The following CDIN1 variants were observed in gnomAD, a reference collection of about 807,000 sequenced individuals.
CDIN1 encodes the protein CDAN1-interacting nuclease 1.
CDIN1 carries 33 observed loss-of-function variants against 45.3 expected under a neutral mutation model. That is an observed-to-expected ratio of 0.73 (90% confidence interval 0.55 to 0.97). The LOEUF is 0.97. Ranked by LOEUF, CDIN1 falls within the 50% of genes least tolerant of loss-of-function variation. The pLI, the probability that CDIN1 is intolerant of heterozygous loss-of-function variation, is 0.00. For synonymous variants in CDIN1, 118 were observed against 124.4 expected (o/e 0.95, Z 0.34); for missense variants, 303 against 339.4 (o/e 0.89, Z 0.84).
At chr15:36,613,524 A>G in intron 1 of CDIN1, 5 of 1,536,348 alleles carry the variant, frequency 3.3e-6, no homozygotes, top group African/African-American at 1.4e-5. Context: ...CAGGTTGTGC[A>G]GCAGCAGGCA....
chr15:36,746,750 G>GTTT (rs1391686144), intron 10 of CDIN1, among the ~76,000 whole-genome samples: 2 of 112,482 alleles, frequency 1.8e-5, no homozygotes, highest in African/African-American at 7.6e-5. Context: ...TTGGAAACGT[G>GTTT]TCTTTTTTTT....
intron 8 of CDIN1, 174 bp from the exon 9 acceptor site, chr15:36,709,049 C>T (rs760300904): frequency 1.5e-4 from 63 of 433,102 alleles, no homozygotes; most frequent in African/African-American, 6.1e-5. Flanking sequence ...AGCATATTTA[C>T]GCTTCAGTGT....
Position 36,809,809 on chromosome 15 carries a change from A to C in CDIN1, c.*1356A>C, listed in dbSNP as rs1305820710. The C allele has an allele frequency of 2.0e-5, 3 of 152,184 alleles. No individual in the cohort carries two copies. Among genetic ancestry groups the C allele is most frequent in the Non-Finnish European group, 4.4e-5 (3 of 68,032 alleles). The allele number at this position is 152,184 out of a possible 1,614,324, so 9.4% of individuals were successfully genotyped here. A position where few individuals can be genotyped will look rare whatever the true frequency, so the allele number is the denominator to read the frequency against. On this transcript the variant is annotated 3_prime_UTR_variant, in exon 11 of 11. Transcript: ENST00000566621. ...TTTATACTTTGTTTATTTTCTACCA[A>C]AGAAGGTTTGTAAAAATATGCCTGC...
Position 36,644,257 on chromosome 15 carries a change from TC to T in CDIN1, c.102-19del. The T allele has an allele frequency of 6.2e-7, 1 of 1,612,868 alleles. No homozygotes were observed. The highest frequency in any genetic ancestry group is 2.2e-5 in the East Asian group (1 of 44,872). ...CCGTGCACTCCAGTAATTAACTTTG[TC>T]CTTCTTTTATTTGTTCCAGTCAATC... On this transcript the variant is annotated intron_variant, in intron 1 of 10. Coordinates refer to ENST00000566621, the MANE Select transcript of CDIN1 (RefSeq NM_001321759.2).
At chr15:36,799,684 TATTG>T (rs1433019530) in intron 10 of CDIN1, 2 of 152,230 alleles carry the variant, frequency 1.3e-5, no homozygotes. Context: ...TGTGAAGAGA[TATTG>T]ATTACTATGT....
chr15:36,807,875 T>C (rs1307658403), intron 10 of CDIN1, among the ~76,000 whole-genome samples: 1 of 152,238 alleles, frequency 6.6e-6, no homozygotes, highest in East Asian at 1.9e-4. Flanking sequence ...TTTTTTTAAA[T>C]TCTGTTTTCA....
At chr15:36,654,839 C>CA (rs1416255122) in intron 4 of CDIN1, among the ~76,000 whole-genome samples, 1 of 151,862 alleles carries the variant, frequency 6.6e-6, no homozygotes, top group Admixed American at 6.6e-5. Context: ...GAGAGCATAC[C>CA]AAAAAAATAA....
rs528651138 is a variant in CDIN1, at chr15:36,747,475, T to C, written c.716+37514T>C. The stretch of plus-strand genomic sequence containing the variant: ...CTTTCATTCATAAAGGTAAGTGTCT[T>C]TATTTCCTTGAAAAGCTTTATGAGT... On this transcript the variant is annotated intron_variant, in intron 10 of 10. Coordinates refer to ENST00000566621, the MANE Select transcript of CDIN1 (RefSeq NM_001321759.2). 3.3e-5 allele frequency among the ~76,000 whole-genome samples: 5 copies of C among 152,326 alleles called. No homozygotes were observed. In the East Asian group the frequency reaches 7.7e-4, roughly 24 times the overall value.
chr15:36,768,569 G>A (rs1374684524), intron 10 of CDIN1, among the ~76,000 whole-genome samples: 5 of 152,204 alleles, frequency 3.3e-5, no homozygotes, highest in African/African-American at 1.2e-4. Flanking sequence ...TTTCATTTGG[G>A]AAGCCAAATC....
At chr15:36,684,514 A>C (rs2041969790) in intron 5 of CDIN1, among the ~76,000 whole-genome samples, 1 of 152,202 alleles carries the variant, frequency 6.6e-6, no homozygotes, top group African/African-American at 2.4e-5. Flanking sequence ...AGTGTTCATC[A>C]AGGATATTGA....
At chr15:36,732,970 A>G (rs903479329) in intron 10 of CDIN1, among the ~76,000 whole-genome samples, 15 of 152,070 alleles carry the variant, frequency 9.9e-5, no homozygotes, top group African/African-American at 2.4e-4. Flanking sequence ...GAAAATGGGT[A>G]AGAAATTCTG....
In CDIN1 at chr15:36,601,989, A is replaced by T. The variant is rs936414834; in HGVS notation, c.101+22028A>T. On this transcript the variant is annotated intron_variant, in intron 1 of 10. Coordinates refer to ENST00000566621, the MANE Select transcript of CDIN1 (RefSeq NM_001321759.2). ...TCAATTTTTTTTTGTATTCATAGTGATAAAGCTACTATTATTCCTAATTGG... is the reference window on the plus strand; with the variant it reads ...TCAATTTTTTTTTGTATTCATAGTGTTAAAGCTACTATTATTCCTAATTGG... 4.6e-5 allele frequency among the ~76,000 whole-genome samples: 7 copies of T among 152,242 alleles called. 1 individual carries two copies. In the South Asian group the frequency reaches 6.2e-4, roughly 13 times the overall value.
intron 10 of CDIN1, among the ~76,000 whole-genome samples, chr15:36,762,007 G>A (rs11639493): frequency 0.25 from 38,377 of 152,114 alleles, 5,358 homozygotes; most frequent in East Asian, 0.43. Context: ...GGCTGGCCCC[G>A]GAAGTCTATT....
At chr15:36,800,893 G>GTT in intron 10 of CDIN1, among the ~76,000 whole-genome samples, 1 of 34,550 alleles carries the variant, frequency 2.9e-5, no homozygotes, top group African/African-American at 6.0e-5. Flanking sequence ...GTGTGTGTGT[G>GTT]TGTGTGTGTG....
intron 10 of CDIN1, among the ~76,000 whole-genome samples, chr15:36,752,568 C>G (rs2053504130): frequency 6.6e-6 from 1 of 152,190 alleles, no homozygotes; most frequent in Non-Finnish European, 1.5e-5. Flanking sequence ...AAAAAGCAGT[C>G]TGCTAAGTGA....
At chr15:36,779,971 C>T (rs970340659) in intron 10 of CDIN1, among the ~76,000 whole-genome samples, 9 of 152,126 alleles carry the variant, frequency 5.9e-5, no homozygotes, top group African/African-American at 1.9e-4. Flanking sequence ...TGGCATTTCC[C>T]TCCCTCCCTT....
intron 1 of CDIN1, chr15:36,613,385 T>C (rs899345179): frequency 3.1e-6 from 3 of 954,126 alleles, no homozygotes. Flanking sequence ...GGATTCCTTG[T>C]CTTAAGAACT....
intron 9 of CDIN1, 46 bp from the exon 10 acceptor site, chr15:36,709,810 A>G (rs760808905): frequency 4.6e-6 from 7 of 1,512,006 alleles, no homozygotes; most frequent in East Asian, 2.3e-5. Flanking sequence ...AGAATTTTCA[A>G]TCTTCCCCTC....
intron 1 of CDIN1, chr15:36,618,498 T>A (rs1045173661): frequency 9.8e-6 from 12 of 1,228,510 alleles, no homozygotes; most frequent in East Asian, 4.6e-5. Flanking sequence ...AATCAAAGCC[T>A]CCAACACCAA....
Sources: gnomAD v4.1 joint callset for allele counts (sites outside exome capture counted in the v4.1 genomes callset) on GRCh38, gnomAD v4.1.1 for gene constraint, MANE v1.5 for transcripts, NCBI Gene and HGNC (gene_info 2026-07-23, HGNC 2026-07-21) for gene names.